Variants in FGGY observed in about 807,000 individuals in gnomAD.
The protein encoded by FGGY is FGGY carbohydrate kinase domain containing.
A neutral mutation model predicts 71.3 loss-of-function variants in FGGY; 72 were observed. The ratio of observed to expected loss-of-function variants is 1.01; its 90% CI spans 0.84 to 1.23. The LOEUF (loss-of-function observed/expected upper bound fraction) is 1.23. Among genes scored for constraint, FGGY ranks in the 50% most tolerant of loss-of-function variants. The probability of loss-of-function intolerance (pLI) is 0.00; values close to 1 mark genes in which losing one functional copy is unlikely to be tolerated. For synonymous variants in FGGY, 251 were observed against 250.3 expected, an observed-to-expected ratio of 1.00 and a Z score of -0.02; for missense variants, 668 against 682.3, an observed-to-expected ratio of 0.98 and a Z score of 0.23.
chr1:59,659,963 CAT>C (rs1395965440), intron 11 of FGGY, among the ~76,000 whole-genome samples: 1 of 152,092 alleles, frequency 6.6e-6, no homozygotes, highest in Non-Finnish European at 1.5e-5. Flanking sequence ...AAATATCAAA[CAT>C]AATCTTCCTG....
chr1:59,584,471 G>A (rs957047751), intron 8 of FGGY, among the ~76,000 whole-genome samples: 2 of 149,596 alleles, frequency 1.3e-5, no homozygotes, highest in African/African-American at 2.5e-5. Context: ...ATTCAACAAC[G>A]CTTCATGCTA....
At chr1:59,714,499 G>T (rs935472613) in intron 14 of FGGY, among the ~76,000 whole-genome samples, 1 of 152,192 alleles carries the variant, frequency 6.6e-6, no homozygotes, top group Non-Finnish European at 1.5e-5. Flanking sequence ...ACTGAACTCT[G>T]GGAATAGACA....
chr1:59,648,592 G>T (rs2097123877), intron 11 of FGGY, among the ~76,000 whole-genome samples: 1 of 148,112 alleles, frequency 6.8e-6, no homozygotes, highest in Non-Finnish European at 1.5e-5. Flanking sequence ...TTTTTGATGG[G>T]GTTGTTTGTT....
chr1:59,721,021 T>A (rs2097887457), intron 14 of FGGY, among the ~76,000 whole-genome samples: 1 of 152,162 alleles, frequency 6.6e-6, no homozygotes, highest in African/African-American at 2.4e-5. Flanking sequence ...ATCTTTCCGT[T>A]GATTTTTTCA....
intron 9 of FGGY, among the ~76,000 whole-genome samples, chr1:59,611,219 G>C (rs1375471520): frequency 1.3e-5 from 2 of 152,188 alleles, no homozygotes; most frequent in Non-Finnish European, 2.9e-5. Flanking sequence ...GCCTCCTCAA[G>C]TGGGACCCTG....
rs550208167 is a variant in FGGY at position 59,299,705 on chromosome 1, GC to G, written c.-15+2556del. Among the ~76,000 whole-genome samples the G allele has an allele frequency of 3.2e-3, 459 of 143,900 alleles. 1 individual carries two copies. Among genetic ancestry groups the G allele is most frequent in the African/African-American group, 0.011 (445 of 40,138 alleles). The allele number at this position is 143,900 out of a possible 152,430, so 94.4% of individuals were successfully genotyped here. ...CGCACACCTGGACAAGGGTGGGGGG[GC>G]GGGTCTTATGCCTGACGCACGTGGC... On this transcript the variant is annotated intron_variant, in intron 1 of 15. Transcript: ENST00000303721.
intron 13 of FGGY, among the ~76,000 whole-genome samples, chr1:59,669,327 C>T (rs904951614): frequency 1.3e-5 from 2 of 152,186 alleles, no homozygotes; most frequent in African/African-American, 4.8e-5. Flanking sequence ...AAGTTTGTAA[C>T]CAGTTGATGA....
At chr1:59,721,456 C>T (rs769651600) in intron 14 of FGGY, among the ~76,000 whole-genome samples, 8 of 148,850 alleles carry the variant, frequency 5.4e-5, no homozygotes, top group Admixed American at 2.1e-4. Context: ...CTCCTGCCTC[C>T]GCCTCCCAAG....
intron 5 of FGGY, among the ~76,000 whole-genome samples, chr1:59,392,475 G>C (rs1469737730): frequency 6.6e-6 from 1 of 152,130 alleles, no homozygotes; most frequent in Non-Finnish European, 1.5e-5. Flanking sequence ...TCTGCAAAAT[G>C]TGCTGCTTGG....
chr1:59,557,464 C>T (rs1030028929), intron 8 of FGGY, among the ~76,000 whole-genome samples: 2 of 152,160 alleles, frequency 1.3e-5, no homozygotes, highest in South Asian at 2.1e-4. Context: ...TTAGAAGCTT[C>T]GTACCTCCAG....
intron 5 of FGGY, among the ~76,000 whole-genome samples, chr1:59,394,896 C>T (rs1171197828): frequency 6.6e-6 from 1 of 152,052 alleles, no homozygotes; most frequent in Non-Finnish European, 1.5e-5. Flanking sequence ...TCAGACATCT[C>T]CTCAATCTCT....
At chr1:59,355,259 G>A (rs1430617462) in intron 4 of FGGY, among the ~76,000 whole-genome samples, 1 of 152,044 alleles carries the variant, frequency 6.6e-6, no homozygotes, top group Non-Finnish European at 1.5e-5. Context: ...TAGGGTACAT[G>A]TGCACAACGT....
chr1:59,375,114 G>T (rs572829525), intron 4 of FGGY, among the ~76,000 whole-genome samples: 3 of 149,954 alleles, frequency 2.0e-5, no homozygotes, highest in Admixed American at 6.6e-5. Flanking sequence ...AAAAAAAATG[G>T]CAGGGTGTGG....
At chr1:59,710,990 A>G (rs1024812207) in intron 14 of FGGY, among the ~76,000 whole-genome samples, 2 of 152,198 alleles carry the variant, frequency 1.3e-5, no homozygotes, top group Admixed American at 6.5e-5. Context: ...ACAAATGCAC[A>G]TGTATTTTTA....
intron 11 of FGGY, among the ~76,000 whole-genome samples, chr1:59,642,016 A>C (rs2097034493): frequency 1.3e-5 from 2 of 151,970 alleles, no homozygotes; most frequent in African/African-American, 2.4e-5. Context: ...GTTCCCAGCC[A>C]CTCTTTCAGT....
intron 8 of FGGY, among the ~76,000 whole-genome samples, chr1:59,605,210 C>T (rs2096612643): frequency 6.6e-6 from 1 of 152,136 alleles, no homozygotes; most frequent in Non-Finnish European, 1.5e-5. Context: ...TTTGGCTTTC[C>T]CTCATTTACT....
At chr1:59,589,010 T>G (rs2096371329) in intron 8 of FGGY, among the ~76,000 whole-genome samples, 1 of 151,828 alleles carries the variant, frequency 6.6e-6, no homozygotes, top group Non-Finnish European at 1.5e-5. Flanking sequence ...GGATAAAGAG[T>G]CAAGACCCAT....
At chr1:59,665,883 C>T (rs147769722) in intron 12 of FGGY, among the ~76,000 whole-genome samples, 2 of 152,280 alleles carry the variant, frequency 1.3e-5, no homozygotes, top group East Asian at 3.9e-4. Flanking sequence ...CCATATTAGC[C>T]AGGATGGTCC....
At chr1:59,595,009 T>C (rs2096502731) in intron 8 of FGGY, among the ~76,000 whole-genome samples, 2 of 152,198 alleles carry the variant, frequency 1.3e-5, no homozygotes, top group African/African-American at 4.8e-5. Context: ...GGGGAAGGGC[T>C]GGTTCCACTG....
Sources: allele counts gnomAD v4.1 joint callset (sites outside exome capture counted in the v4.1 genomes callset), GRCh38; gene constraint gnomAD v4.1.1; transcripts MANE v1.5; gene names NCBI Gene and HGNC (gene_info 2026-07-23, HGNC 2026-07-21).